RTN4RL2: variants seen among roughly 807,000 people sequenced by gnomAD.
The protein encoded by RTN4RL2 is reticulon-4 receptor-like 2.
In RTN4RL2, 9 loss-of-function variants were observed where a neutral mutation model predicts 27.8. The ratio of observed to expected loss-of-function variants is 0.32; its 90% CI spans 0.20 to 0.57. The LOEUF (loss-of-function observed/expected upper bound fraction) is 0.57. RTN4RL2 is among the 20% of genes least tolerant of loss of function. The probability of loss-of-function intolerance (pLI) is 0.90; values close to 1 mark genes in which losing one functional copy is unlikely to be tolerated. For synonymous variants in RTN4RL2, 285 were observed against 297.9 expected, an observed-to-expected ratio of 0.96 and a Z score of 0.45; for missense variants, 436 against 596.8, an observed-to-expected ratio of 0.73 and a Z score of 2.81.
chr11:57,462,559 C>A (rs886958580), intron 1 of RTN4RL2, among the ~76,000 whole-genome samples: 7 of 152,228 alleles, frequency 4.6e-5, no homozygotes, highest in Non-Finnish European at 7.3e-5. Flanking sequence ...TGGATCCTGC[C>A]CCCTACTTTG....
At chr11:57,472,157 G>GACACTTGT (rs1159224575) in intron 2 of RTN4RL2, among the ~76,000 whole-genome samples, 2 of 151,462 alleles carry the variant, frequency 1.3e-5, no homozygotes, top group Non-Finnish European at 2.9e-5. Flanking sequence ...CGCACCCGCC[G>GACACTTGT]ACACTTGTTT....
intron 2 of RTN4RL2, among the ~76,000 whole-genome samples, chr11:57,473,736 G>C (rs538144235): frequency 2.0e-5 from 3 of 152,056 alleles, no homozygotes; most frequent in Non-Finnish European, 2.9e-5. Flanking sequence ...AGCTTGGATG[G>C]GGGGAGGAGG....
At chr11:57,464,798 C>T (rs1308497252) in intron 1 of RTN4RL2, among the ~76,000 whole-genome samples, 1 of 152,196 alleles carries the variant, frequency 6.6e-6, no homozygotes, top group Non-Finnish European at 1.5e-5. Flanking sequence ...TCCACCTCTG[C>T]CTGGTTCAGA....
rs924663615 is a variant in RTN4RL2, at chr11:57,467,018, A to G, written c.32-591A>G. 3.3e-5 allele frequency among the ~76,000 whole-genome samples: 5 copies of G among 152,222 alleles called. No individual in the cohort carries two copies. The highest frequency in any genetic ancestry group is 7.2e-5 in the African/African-American group (3 of 41,448). On this transcript the variant is annotated intron_variant, in intron 1 of 2. Transcript: ENST00000335099. The surrounding 1 kb of genome is among the most constrained non-coding windows in gnomAD (Gnocchi z 5.5). ...ATCTCTAGACAAGGTCAAACATGCAATAGTGAAAACAGGAATGAAGAGATG... is the reference window on the plus strand; with the variant it reads ...ATCTCTAGACAAGGTCAAACATGCAGTAGTGAAAACAGGAATGAAGAGATG...
At chr11:57,470,781 G>C (rs1032595819) in intron 2 of RTN4RL2, among the ~76,000 whole-genome samples, 1 of 152,154 alleles carries the variant, frequency 6.6e-6, no homozygotes, top group African/African-American at 2.4e-5. Context: ...CAGAGGGCCT[G>C]AGCTTGAATC....
intron 2 of RTN4RL2, among the ~76,000 whole-genome samples, chr11:57,472,296 C>T (rs1335467040): frequency 6.6e-6 from 1 of 152,090 alleles, no homozygotes; most frequent in Non-Finnish European, 1.5e-5. Flanking sequence ...TCACTGCAGC[C>T]TCACCTCCTG....
intron 1 of RTN4RL2, among the ~76,000 whole-genome samples, chr11:57,464,859 G>A (rs1288714542): frequency 2.0e-5 from 3 of 152,172 alleles, no homozygotes; most frequent in Non-Finnish European, 2.9e-5. Context: ...TAAGAAACTC[G>A]GGAGGAGAAA....
intron 1 of RTN4RL2, among the ~76,000 whole-genome samples, chr11:57,462,642 G>A (rs1943492988): frequency 6.6e-6 from 1 of 152,256 alleles, no homozygotes; most frequent in Admixed American, 6.5e-5. Context: ...TGTGGGCTGA[G>A]AACTTTGTTT....
At position 57,476,104 on chromosome 11, in the gene RTN4RL2, G is replaced by C. The variant is rs114279729; in HGVS notation, c.514-58G>C. On this transcript the variant is annotated intron_variant, in intron 2 of 2. Coordinates refer to ENST00000335099, the MANE Select transcript of RTN4RL2 (RefSeq NM_178570.3). This position sits in a 1 kb window ranked among gnomAD's most constrained non-coding sequence, Gnocchi z 8.2. ...CTCCCCCGGCCAAGGCCCCAGCGGG[G>C]TCTGCACCCTACCTCAGGCCCATTC... is the stretch of plus-strand genomic sequence containing the variant. The C allele has an allele frequency of 4.0e-3, 6,120 of 1,539,484 alleles. 218 individuals are homozygous for C. The African/African-American group carries it at 0.073, about 18-fold the overall frequency.
intron 2 of RTN4RL2, among the ~76,000 whole-genome samples, chr11:57,474,014 T>C (rs1590733890): frequency 1.3e-5 from 2 of 151,662 alleles, no homozygotes; most frequent in East Asian, 3.9e-4. Flanking sequence ...TCTCTGGGTG[T>C]GTCCTACTCT....
Position 57,476,306 on chromosome 11 carries a change from C to T in RTN4RL2, c.658C>T (p.Arg220Cys), listed in dbSNP as rs749353503. The T allele has an allele frequency of 1.2e-6, 2 of 1,611,448 alleles. No homozygotes were observed. Residue 220 changes from arginine (R) to cysteine (C), a missense_variant, in exon 3 of 3, where the codon CGC becomes TGC. Physicochemically the swap from Arg to Cys is radical, Grantham distance 180. Coordinates refer to ENST00000335099, the MANE Select transcript of RTN4RL2 (RefSeq NM_178570.3). This position sits in a 1 kb window ranked among gnomAD's most constrained non-coding sequence, Gnocchi z 8.2. Reference sequence around the variant, plus strand: ...CGGGAACCGGCTGCAGGGCGTGCACCGCGCGGCCTTCCGCGGCCTCAGCCG... The same window carrying T: ...CGGGAACCGGCTGCAGGGCGTGCACTGCGCGGCCTTCCGCGGCCTCAGCCG... ...LHGNRLQGVHRAAFRGLSRLT... is the reference protein window; with the variant it reads ...LHGNRLQGVHCAAFRGLSRLT...
chr11:57,476,518 C>A lies in RTN4RL2; in HGVS notation c.870C>A (p.Thr290=). The A allele has an allele frequency of 2.1e-6, 3 of 1,458,270 alleles. No individual in the cohort carries two copies. The highest frequency in any genetic ancestry group is 1.5e-5 in the African/African-American group (1 of 67,516). The allele number at this position is 1,458,270 out of a possible 1,614,324, so 90.3% of individuals were successfully genotyped here. The part of the protein sequence containing the change: ...RVSSSDVTCA[T]PPERQGRDLR... The stretch of plus-strand genomic sequence containing the variant: ...CCAGCTCCGACGTGACCTGCGCCAC[C>A]CCCCCGGAGCGCCAGGGCCGAGACC... Residue 290 remains threonine (T), a synonymous_variant, in exon 3 of 3, where the codon ACC becomes ACA. Coordinates refer to ENST00000335099, the MANE Select transcript of RTN4RL2 (RefSeq NM_178570.3). The surrounding 1 kb of genome is among the most constrained non-coding windows in gnomAD (Gnocchi z 8.2).
rs953594563 is a variant in RTN4RL2, at chr11:57,476,518, C to T, written c.870C>T (p.Thr290=). ...CCAGCTCCGACGTGACCTGCGCCAC[C>T]CCCCCGGAGCGCCAGGGCCGAGACC... is the stretch of plus-strand genomic sequence containing the variant. ...RVSSSDVTCA[T]PPERQGRDLR... The change falls in exon 3 of 3, where the codon ACC becomes ACT. Residue 290 remains threonine, a synonymous_variant. Transcript: ENST00000335099. The surrounding 1 kb of genome is among the most constrained non-coding windows in gnomAD (Gnocchi z 8.2). The T allele has an allele frequency of 6.9e-7, 1 of 1,458,270 alleles. No individual in the cohort carries two copies. Among genetic ancestry groups the T allele is most frequent in the Non-Finnish European group, 9.0e-7 (1 of 1,114,988 alleles). The allele number at this position is 1,458,270 out of a possible 1,614,324, so 90.3% of individuals were successfully genotyped here.
intron 1 of RTN4RL2, among the ~76,000 whole-genome samples, chr11:57,462,120 T>C (rs1445683683): frequency 6.6e-6 from 1 of 151,756 alleles, no homozygotes; most frequent in African/African-American, 2.4e-5. Context: ...CCTCCGAGGG[T>C]GGGCAAACAG....
rs1943476612 is a variant in RTN4RL2, at chr11:57,460,734, C to T, written c.-132C>T. 1 of 399,222 alleles carries T rather than the reference C, an allele frequency of 2.5e-6. No homozygotes were observed. Among genetic ancestry groups the T allele is most frequent in the Non-Finnish European group, 4.5e-6 (1 of 223,168 alleles). 24.7% of individuals were successfully genotyped at this position (399,222 alleles called of 1,614,324 possible). ...GCGGCGCAGGGTAGAGCGCCGCGGCCCGGCCACGCAGCCCGGGGACTCCCG... is the reference window on the plus strand; with the variant it reads ...GCGGCGCAGGGTAGAGCGCCGCGGCTCGGCCACGCAGCCCGGGGACTCCCG... On this transcript the variant is annotated 5_prime_UTR_variant, in exon 1 of 3. Coordinates refer to ENST00000335099, the MANE Select transcript of RTN4RL2 (RefSeq NM_178570.3).
chr11:57,469,661 A>G (rs531214177), intron 2 of RTN4RL2, among the ~76,000 whole-genome samples: 1 of 152,350 alleles, frequency 6.6e-6, no homozygotes, highest in Admixed American at 6.5e-5. Flanking sequence ...CATTGGTTTC[A>G]GTGAAGTGGC....
intron 1 of RTN4RL2, among the ~76,000 whole-genome samples, chr11:57,461,939 G>C (rs1331413849): frequency 6.6e-6 from 1 of 152,008 alleles, no homozygotes. Context: ...AGACAAAGAG[G>C]CTTCTGGTAA....
chr11:57,465,314 G>A (rs1025585402), intron 1 of RTN4RL2, among the ~76,000 whole-genome samples: 2 of 152,136 alleles, frequency 1.3e-5, no homozygotes, highest in East Asian at 1.9e-4. Flanking sequence ...TCACGCACAC[G>A]GCAACCTCAG....
chr11:57,470,262 T>G (rs1943554126), intron 2 of RTN4RL2, among the ~76,000 whole-genome samples: 1 of 152,224 alleles, frequency 6.6e-6, no homozygotes, highest in African/African-American at 2.4e-5. Flanking sequence ...AATCTTTTTT[T>G]TTTGAGACGA....
Sources: allele counts gnomAD v4.1 joint callset (sites outside exome capture counted in the v4.1 genomes callset), GRCh38; gene constraint gnomAD v4.1.1; non-coding constraint Gnocchi (gnomAD v3.1); transcripts MANE v1.5; gene names NCBI Gene and HGNC (gene_info 2026-07-23, HGNC 2026-07-21).